Variants in PLB1 observed in about 807,000 individuals in gnomAD.
PLB1 encodes the protein phospholipase B1, membrane-associated.
In PLB1, 242 loss-of-function variants were observed where a neutral mutation model predicts 227.4. That is an observed-to-expected ratio of 1.06 (90% CI 0.96 to 1.18). PLB1 has a LOEUF of 1.18. Ranked by LOEUF, PLB1 falls within the 50% of genes most tolerant of loss-of-function variation. PLB1 has a pLI of 0.00. For missense variants in PLB1, 1,858 were observed against 1,816.3 expected (o/e 1.02, Z -0.42); for synonymous variants, 757 against 682.2 (o/e 1.11, Z -1.71).
chr2:28,548,299 A>T (rs1673614078), intron 14 of PLB1, among the ~76,000 whole-genome samples: 1 of 152,198 alleles, frequency 6.6e-6, no homozygotes, highest in South Asian at 2.1e-4. Flanking sequence ...TACATGCTTT[A>T]TGTAAAAAGC....
intron 22 of PLB1, among the ~76,000 whole-genome samples, chr2:28,579,292 T>C (rs1331360643): frequency 6.6e-6 from 1 of 152,172 alleles, no homozygotes; most frequent in African/African-American, 2.4e-5. Flanking sequence ...AAAACCAGCT[T>C]CCTTATCCCT....
chr2:28,569,369 C>G (rs550975951), intron 20 of PLB1, among the ~76,000 whole-genome samples: 98 of 152,224 alleles, frequency 6.4e-4, no homozygotes, highest in Non-Finnish European at 1.3e-3. Context: ...ATAGACCCTG[C>G]TCTCAGGATG....
intron 31 of PLB1, 120 bp from the exon 32 acceptor site, chr2:28,592,541 C>A: frequency 1.0e-6 from 1 of 969,646 alleles, no homozygotes; most frequent in Non-Finnish European, 1.7e-6. Flanking sequence ...GCACACCCAG[C>A]CCTGCATGGC....
At chr2:28,566,181 A>C (rs145368300) in intron 19 of PLB1, among the ~76,000 whole-genome samples, 244 of 152,236 alleles carry the variant, frequency 1.6e-3, no homozygotes, top group Middle Eastern at 0.01. Flanking sequence ...TCACGTTGCA[A>C]CACAGTTAAA....
At chr2:28,543,146 T>G in intron 13 of PLB1, 66 bp from the exon 14 acceptor site, 1 of 1,509,626 alleles carries the variant, frequency 6.6e-7, no homozygotes, top group Non-Finnish European at 9.0e-7. Context: ...AGCTTCAAAG[T>G]GTGTAGCAGG....
intron 1 of PLB1, among the ~76,000 whole-genome samples, chr2:28,499,266 A>G (rs1021490263): frequency 5.3e-5 from 8 of 151,966 alleles, no homozygotes; most frequent in Non-Finnish European, 4.4e-5. Flanking sequence ...ATGCTGTTTA[A>G]TGCTCCCACC....
At position 28,551,429 on chromosome 2, in the gene PLB1, G is replaced by C. The variant is rs564212874; in HGVS notation, c.1083+1345G>C. Among the ~76,000 whole-genome samples the C allele has an allele frequency of 2.0e-5, 3 of 152,318 alleles. No individual in the cohort carries two copies. The South Asian group carries it at 6.2e-4, about 32-fold the overall frequency. Reference sequence around the variant, plus strand: ...GACTGAGGTGAGCTGAGACAAATTTGGTCCTAGTGACATTCTTCCCTCCCT... The same window carrying C: ...GACTGAGGTGAGCTGAGACAAATTTCGTCCTAGTGACATTCTTCCCTCCCT... On this transcript the variant is annotated intron_variant, in intron 16 of 57. Transcript: ENST00000327757.
At chr2:28,504,294 C>T (rs537123018) in intron 1 of PLB1, among the ~76,000 whole-genome samples, 33 of 152,276 alleles carry the variant, frequency 2.2e-4, no homozygotes, top group African/African-American at 7.2e-4. Flanking sequence ...CCTTCAGTTG[C>T]GTCTAATTTT....
At chr2:28,633,110 G>A in intron 56 of PLB1, 71 bp downstream of exon 56, 2 of 1,330,654 alleles carry the variant, frequency 1.5e-6, no homozygotes, top group Non-Finnish European at 2.1e-6. Context: ...GTCTCACAAT[G>A]GCAAAACTAC....
chr2:28,579,390 G>A (rs1679532946), intron 22 of PLB1, among the ~76,000 whole-genome samples: 1 of 152,180 alleles, frequency 6.6e-6, no homozygotes, highest in African/African-American at 2.4e-5. Flanking sequence ...GGAAACTGAC[G>A]TGTGTGCTTT....
At chr2:28,560,750 T>C (rs142289603) in intron 17 of PLB1, among the ~76,000 whole-genome samples, 78 of 152,354 alleles carry the variant, frequency 5.1e-4, no homozygotes, top group African/African-American at 1.7e-3. Context: ...TATTATATTA[T>C]TCTATTTACA....
chr2:28,566,800 G>A lies in PLB1; in HGVS notation c.1285G>A (p.Gly429Ser). 2 of 1,614,126 alleles carry A rather than the reference G, an allele frequency of 1.2e-6. No homozygotes were observed. The highest frequency in any genetic ancestry group is 1.7e-6 in the Non-Finnish European group (2 of 1,180,008). ...TQYRGLSWSV[G>S]GDENIGTVTT... ...TTTCTTGGACCCACGTTACAGCGTCGGCGGAGATGAGAACATCGGCACCGT... is the reference window on the plus strand; with the variant it reads ...TTTCTTGGACCCACGTTACAGCGTCAGCGGAGATGAGAACATCGGCACCGT... Residue 429 changes from glycine (G) to serine (S), a missense_variant, in exon 20 of 58, where the codon GGC becomes AGC. Physicochemically the swap from Gly to Ser is moderately conservative, Grantham distance 56 (BLOSUM62 0). Transcript: ENST00000327757.
intron 54 of PLB1, 46 bp from the exon 55 acceptor site, chr2:28,631,990 T>C: frequency 6.6e-7 from 1 of 1,521,610 alleles, no homozygotes. Context: ...ACCCTGTCTG[T>C]GCAGCCTTGC....
At chr2:28,563,725 G>C (rs1035863564) in intron 18 of PLB1, among the ~76,000 whole-genome samples, 3 of 152,110 alleles carry the variant, frequency 2.0e-5, no homozygotes, top group African/African-American at 7.2e-5. Context: ...GAGCCTGGGG[G>C]CTGGGAGTCC....
intron 7 of PLB1, 137 bp from the exon 8 acceptor site, chr2:28,529,591 G>A: frequency 2.0e-6 from 2 of 1,006,050 alleles, no homozygotes; most frequent in Non-Finnish European, 3.0e-6. Context: ...TGAAAAACAG[G>A]TCAATGCCCA....
chr2:28,571,919 G>GA (rs906393690), intron 20 of PLB1, among the ~76,000 whole-genome samples: 26 of 150,122 alleles, frequency 1.7e-4, no homozygotes, highest in Non-Finnish European at 2.4e-4. Context: ...AGTGACAAAA[G>GA]AAAAAAAAAT....
At chr2:28,603,844 G>A (rs1684264134) in intron 39 of PLB1, 122 bp from the exon 40 acceptor site, 2 of 856,076 alleles carry the variant, frequency 2.3e-6, no homozygotes, top group Non-Finnish European at 3.8e-6. Context: ...CTCAAGGCTT[G>A]AGTGCTCCTA....
At chr2:28,601,590 C>T (rs115097188) in intron 37 of PLB1, among the ~76,000 whole-genome samples, 114 of 152,256 alleles carry the variant, frequency 7.5e-4, no homozygotes, top group Middle Eastern at 3.4e-3. Flanking sequence ...TATTTCTACT[C>T]CTCTCTCTTA....
chr2:28,602,742 A>G, intron 38 of PLB1, 79 bp from the exon 39 acceptor site: 1 of 1,281,014 alleles, frequency 7.8e-7, no homozygotes, highest in South Asian at 1.2e-5. Flanking sequence ...TTGCTAAAGG[A>G]ACCCATTCCT....
Sources: allele counts gnomAD v4.1 joint callset (sites outside exome capture counted in the v4.1 genomes callset), GRCh38; gene constraint gnomAD v4.1.1; transcripts MANE v1.5; gene names NCBI Gene and HGNC (gene_info 2026-07-23, HGNC 2026-07-21).